Variants in TLL1 observed in about 807,000 individuals in gnomAD.
The protein encoded by TLL1 is tolloid-like protein 1.
A neutral mutation model predicts 128.2 loss-of-function variants in TLL1; 49 were observed. The ratio of observed to expected loss-of-function variants is 0.38; its 90% confidence interval spans 0.30 to 0.48. The LOEUF (loss-of-function observed/expected upper bound fraction) is 0.48. Ranked by LOEUF, TLL1 falls within the 20% of genes least tolerant of loss-of-function variation. TLL1 has a pLI of 0.96. For synonymous variants in TLL1, 454 were observed against 418.8 expected, an observed-to-expected ratio of 1.08 and a Z score of -1.03; for missense variants, 1,123 against 1,242.0, an observed-to-expected ratio of 0.90 and a Z score of 1.44.
chr4:165,890,460 C>T (rs1422357220), intron 1 of TLL1, among the ~76,000 whole-genome samples: 3 of 152,206 alleles, frequency 2.0e-5, no homozygotes. Context: ...TTAGTTACTT[C>T]CTAAATATGG....
chr4:166,016,031 G>T (rs1461362501), intron 8 of TLL1, among the ~76,000 whole-genome samples: 1 of 151,800 alleles, frequency 6.6e-6, no homozygotes, highest in Admixed American at 6.6e-5. Flanking sequence ...ATAAATATAT[G>T]TCTGCCTAAT....
intron 1 of TLL1, among the ~76,000 whole-genome samples, chr4:165,951,761 C>T (rs989858947): frequency 6.6e-6 from 1 of 152,046 alleles, no homozygotes; most frequent in Non-Finnish European, 1.5e-5. Context: ...CCATTGTGTT[C>T]TACACTGGAG....
chr4:165,980,899 A>C (rs529593291), intron 1 of TLL1, among the ~76,000 whole-genome samples: 3 of 152,260 alleles, frequency 2.0e-5, no homozygotes, highest in African/African-American at 7.2e-5. Flanking sequence ...TGAGTAAAAT[A>C]AAATGTTTTA....
chr4:165,943,273 T>G (rs1186531074), intron 1 of TLL1, among the ~76,000 whole-genome samples: 2 of 152,008 alleles, frequency 1.3e-5, no homozygotes, highest in African/African-American at 4.8e-5. Context: ...AAAAGCAAAA[T>G]GTTTAATTTC....
At chr4:165,945,900 A>G (rs1019048335) in intron 1 of TLL1, among the ~76,000 whole-genome samples, 3 of 152,186 alleles carry the variant, frequency 2.0e-5, no homozygotes, top group Non-Finnish European at 4.4e-5. Context: ...GCACACGTTA[A>G]AACTGAGGGA....
intron 1 of TLL1, among the ~76,000 whole-genome samples, chr4:165,909,529 C>T (rs917708901): frequency 3.3e-5 from 5 of 152,120 alleles, no homozygotes; most frequent in African/African-American, 1.2e-4. Context: ...GTTTTGAGTT[C>T]TTGGAGATGA....
At chr4:165,971,506 CA>C (rs1735626360) in intron 1 of TLL1, among the ~76,000 whole-genome samples, 1 of 152,038 alleles carries the variant, frequency 6.6e-6, no homozygotes, top group Admixed American at 6.6e-5. Context: ...GATTTTTTTG[CA>C]AAAAGATCCC....
chr4:166,057,838 A>G (rs1321710602), intron 14 of TLL1, among the ~76,000 whole-genome samples: 2 of 152,116 alleles, frequency 1.3e-5, no homozygotes, highest in African/African-American at 2.4e-5. Flanking sequence ...ACTCCCCCCA[A>G]CCATGATTCA....
chr4:165,931,756 G>C (rs887651614), intron 1 of TLL1, among the ~76,000 whole-genome samples: 2 of 151,474 alleles, frequency 1.3e-5, no homozygotes, highest in African/African-American at 4.9e-5. Flanking sequence ...ATTAACTTCA[G>C]ATACTGCACG....
At chr4:166,022,621 C>A (rs1738296339) in intron 8 of TLL1, among the ~76,000 whole-genome samples, 2 of 152,092 alleles carry the variant, frequency 1.3e-5, no homozygotes, top group South Asian at 4.1e-4. Flanking sequence ...ATGATGGGAG[C>A]TATAGACATT....
At chr4:166,011,004 A>G (rs1737668036) in intron 7 of TLL1, among the ~76,000 whole-genome samples, 1 of 151,300 alleles carries the variant, frequency 6.6e-6, no homozygotes, top group Non-Finnish European at 1.5e-5. Context: ...TCACCCGTCT[A>G]TAGATCTGTC....
chr4:166,021,010 G>A (rs1260051875), intron 8 of TLL1, among the ~76,000 whole-genome samples: 1 of 152,138 alleles, frequency 6.6e-6, no homozygotes, highest in African/African-American at 2.4e-5. Context: ...TGTAGGAATG[G>A]CAGGCCAGTT....
At position 165,982,051 on chromosome 4, in the gene TLL1, A is replaced by G. The variant is rs138186607; in HGVS notation, c.170-7330A>G. ...TGACCTGTCTGTTATCAGTGCTAAC[A>G]GACTCTGCTATATTAAGCAAAGTGT... is the stretch of plus-strand genomic sequence containing the variant. On this transcript the variant is annotated intron_variant, in intron 1 of 20. Transcript: ENST00000061240. 3.4e-3 allele frequency among the ~76,000 whole-genome samples: 515 copies of G among 152,146 alleles called. 2 individuals are homozygous for G. The highest frequency in any genetic ancestry group is 0.012 in the African/African-American group (497 of 41,558).
chr4:165,991,840 A>G (rs79090692), intron 2 of TLL1, among the ~76,000 whole-genome samples: 8,977 of 152,032 alleles, frequency 0.059, 734 homozygotes, highest in African/African-American at 0.19. Flanking sequence ...ACTCCATGTT[A>G]CTACAAATTC....
Position 165,992,890 on chromosome 4 carries a change from T to A in TLL1, c.361+6T>A. On this transcript the variant is annotated splice_donor_region_variant and intron_variant, in intron 3 of 20. Coordinates refer to ENST00000061240, the MANE Select transcript of TLL1 (RefSeq NM_012464.5). ...GATAAGAAGAATTGGCTTTGGTATA[T>A]CAATGTTTAAAGTTGCAGACGCTTG... The A allele has an allele frequency of 6.2e-7, 1 of 1,612,070 alleles. No individual in the cohort carries two copies. The highest frequency in any genetic ancestry group is 8.5e-7 in the Non-Finnish European group (1 of 1,178,420).
chr4:166,047,455 C>T (rs1295942430), intron 12 of TLL1, among the ~76,000 whole-genome samples: 3 of 150,042 alleles, frequency 2.0e-5, no homozygotes, highest in African/African-American at 4.9e-5. Flanking sequence ...TGAGCCACCG[C>T]ACCTGGCCTC....
intron 1 of TLL1, among the ~76,000 whole-genome samples, chr4:165,970,378 C>T (rs1388588893): frequency 6.6e-6 from 1 of 151,992 alleles, no homozygotes; most frequent in Non-Finnish European, 1.5e-5. Flanking sequence ...GGGAATCTAC[C>T]ACAACAGAGT....
At chr4:165,896,987 C>G (rs1579454621) in intron 1 of TLL1, among the ~76,000 whole-genome samples, 1 of 152,122 alleles carries the variant, frequency 6.6e-6, no homozygotes, top group South Asian at 2.1e-4. Context: ...TGATTTGCAT[C>G]TCTCTAATGA....
chr4:165,970,636 C>G (rs1409213543), intron 1 of TLL1, among the ~76,000 whole-genome samples: 2 of 152,090 alleles, frequency 1.3e-5, no homozygotes, highest in East Asian at 3.8e-4. Context: ...TTAACCTATT[C>G]AAATTTCCCG....
Sources: allele counts gnomAD v4.1 joint callset (sites outside exome capture counted in the v4.1 genomes callset), GRCh38; gene constraint gnomAD v4.1.1; transcripts MANE v1.5; gene names NCBI Gene and HGNC (gene_info 2026-07-23, HGNC 2026-07-21).